GALNTL6: variants seen among roughly 807,000 people sequenced by gnomAD.
The protein encoded by GALNTL6 is polypeptide N-acetylgalactosaminyltransferase like 6, also known as polypeptide N-acetylgalactosaminyltransferase-like 6.
A neutral mutation model predicts 73.7 loss-of-function variants in GALNTL6; 46 were observed. That is an observed-to-expected ratio of 0.62 (90% confidence interval 0.49 to 0.80). The LOEUF (loss-of-function observed/expected upper bound fraction) is 0.80. GALNTL6 is among the 30% of genes least tolerant of loss of function. The pLI is 0.00. For missense variants in GALNTL6, 604 were observed against 755.0 expected (o/e 0.80, Z 2.34); for synonymous variants, 259 against 263.7 (o/e 0.98, Z 0.17).
Position 172,855,353 on chromosome 4 carries a change from G to GAT in GALNTL6, c.924-27429_924-27428dup, listed in dbSNP as rs1744071544. Among the ~76,000 whole-genome samples, 5 of 152,216 alleles carry GAT rather than the reference G, an allele frequency of 3.3e-5. No homozygotes were observed. The South Asian group carries it at 8.3e-4, about 25-fold the overall frequency. On this transcript the variant is annotated intron_variant, in intron 7 of 12. Coordinates refer to ENST00000506823, the MANE Select transcript of GALNTL6 (RefSeq NM_001034845.3). ...GTATTTATTTTGATTGTAATGGAAA[G>GAT]ATATATATACTTAATAATAGTTTCA...
chr4:172,825,118 CT>C (rs1560977566), intron 7 of GALNTL6, among the ~76,000 whole-genome samples: 3 of 80,532 alleles, frequency 3.7e-5, no homozygotes, highest in African/African-American at 1.3e-4. Flanking sequence ...TTCTTTCTTT[CT>C]TTCTTTCTTT....
intron 2 of GALNTL6, among the ~76,000 whole-genome samples, chr4:172,207,342 C>A: frequency 6.6e-6 from 1 of 152,012 alleles, no homozygotes; most frequent in East Asian, 1.9e-4. Context: ...CGAGAAAATA[C>A]TGGGGAACAA....
intron 2 of GALNTL6, among the ~76,000 whole-genome samples, chr4:172,141,564 A>G (rs1355060902): frequency 2.6e-5 from 4 of 151,956 alleles, no homozygotes; most frequent in African/African-American, 9.7e-5. Flanking sequence ...TGAACTAAGT[A>G]ACTAAGAATA....
chr4:172,104,931 A>G (rs1422293305), intron 2 of GALNTL6, among the ~76,000 whole-genome samples: 2 of 152,220 alleles, frequency 1.3e-5, no homozygotes, highest in East Asian at 3.8e-4. Context: ...TGAATTTCAT[A>G]AAAAACAACT....
chr4:172,812,507 T>G (rs1579514264), intron 6 of GALNTL6, among the ~76,000 whole-genome samples: 1 of 152,226 alleles, frequency 6.6e-6, no homozygotes, highest in African/African-American at 2.4e-5. Flanking sequence ...CACAGATAGC[T>G]ATTCTAGCTA....
intron 3 of GALNTL6, among the ~76,000 whole-genome samples, chr4:172,261,476 A>T (rs1334016703): frequency 6.6e-6 from 1 of 151,106 alleles, no homozygotes; most frequent in African/African-American, 2.4e-5. Context: ...TCTCATTGAG[A>T]CTATTTGGAT....
chr4:172,827,202 G>T (rs1742316503), intron 7 of GALNTL6, among the ~76,000 whole-genome samples: 1 of 152,200 alleles, frequency 6.6e-6, no homozygotes. Context: ...CCCGGTTGCA[G>T]GCTTTTACTG....
intron 2 of GALNTL6, among the ~76,000 whole-genome samples, chr4:172,099,222 A>T (rs1017789259): frequency 2.6e-5 from 4 of 152,204 alleles, no homozygotes; most frequent in Non-Finnish European, 1.5e-5. Context: ...GCCTTAAAGC[A>T]AGTTTAGTAG....
At chr4:172,113,017 G>A (rs1487990793) in intron 2 of GALNTL6, among the ~76,000 whole-genome samples, 1 of 151,750 alleles carries the variant, frequency 6.6e-6, no homozygotes, top group African/African-American at 2.4e-5. Flanking sequence ...AAACAGAATA[G>A]GACAGTGCAT....
In GALNTL6 at chr4:173,009,286, C is replaced by T; in HGVS notation, c.1480C>T (p.His494Tyr). The T allele has an allele frequency of 1.9e-6, 3 of 1,607,442 alleles. No homozygotes were observed. The highest frequency in any genetic ancestry group is 2.6e-6 in the Non-Finnish European group (3 of 1,173,904). Residue 494 changes from histidine to tyrosine, a missense_variant, in exon 11 of 13, where the codon CAT (histidine) becomes TAT (tyrosine). By Grantham distance (83) the His-to-Tyr change is moderately conservative. Transcript: ENST00000506823. The part of the protein sequence containing the change: ...VKDGSERTWS[H>Y]EQLFTFGWRE... ...GGATGGTTCTGAAAGAACATGGTCT[C>T]ATGAACAGGTGAGTCACCTCCCAGA...
intron 2 of GALNTL6, among the ~76,000 whole-genome samples, chr4:172,201,494 G>A (rs1735952457): frequency 6.6e-6 from 1 of 151,518 alleles, no homozygotes; most frequent in South Asian, 2.1e-4. Flanking sequence ...CATGAGCCAC[G>A]GCACCGGGAC....
At chr4:172,936,830 A>G (rs974870183) in intron 9 of GALNTL6, among the ~76,000 whole-genome samples, 2 of 152,138 alleles carry the variant, frequency 1.3e-5, no homozygotes, top group African/African-American at 4.8e-5. Flanking sequence ...CATAAAAGCC[A>G]AATTGTACAG....
intron 3 of GALNTL6, among the ~76,000 whole-genome samples, chr4:172,298,592 G>A (rs1739778490): frequency 6.6e-6 from 1 of 152,122 alleles, no homozygotes; most frequent in Non-Finnish European, 1.5e-5. Context: ...GTTGAATTTT[G>A]TCAAAGACCT....
rs372941062 is a variant in GALNTL6 at position 172,892,313 on chromosome 4, T to A, written c.1041+9406T>A. On this transcript the variant is annotated intron_variant, in intron 8 of 12. Transcript: ENST00000506823. ...CTACTATGGATGAGGCCTTTTGTTT[T>A]TATATATTCCTTTTCCCTTGAGGGT... Among the ~76,000 whole-genome samples the A allele has an allele frequency of 1.3e-4, 20 of 152,310 alleles. No individual in the cohort carries two copies. In the South Asian group the frequency reaches 3.5e-3, roughly 27 times the overall value.
chr4:172,638,031 T>G (rs2111112968), intron 5 of GALNTL6, among the ~76,000 whole-genome samples: 1 of 152,316 alleles, frequency 6.6e-6, no homozygotes, highest in Middle Eastern at 3.4e-3. Flanking sequence ...CTTCACTTTC[T>G]TTCTTTAATA....
At chr4:172,491,588 A>G (rs138135888) in intron 5 of GALNTL6, among the ~76,000 whole-genome samples, 30 of 152,260 alleles carry the variant, frequency 2.0e-4, no homozygotes, top group African/African-American at 6.5e-4. Flanking sequence ...GAAGTTTACC[A>G]GGATGGTTGC....
intron 5 of GALNTL6, among the ~76,000 whole-genome samples, chr4:172,395,480 A>C (rs182966981): frequency 6.6e-6 from 1 of 152,156 alleles, no homozygotes; most frequent in Non-Finnish European, 1.5e-5. Flanking sequence ...TGACCTTTAG[A>C]CTATCTTATT....
chr4:172,629,126 A>G (rs1472583083), intron 5 of GALNTL6, among the ~76,000 whole-genome samples: 7 of 152,188 alleles, frequency 4.6e-5, no homozygotes, highest in Non-Finnish European at 7.4e-5. Context: ...GTGTTTGTCT[A>G]TCTGTGTCTT....
chr4:172,352,321 C>T (rs1741969930), intron 5 of GALNTL6, among the ~76,000 whole-genome samples: 1 of 152,154 alleles, frequency 6.6e-6, no homozygotes, highest in African/African-American at 2.4e-5. Context: ...AGCCTCAGAA[C>T]ATAAGTCCAC....
Sources: allele counts gnomAD v4.1 joint callset (sites outside exome capture counted in the v4.1 genomes callset), GRCh38; gene constraint gnomAD v4.1.1; transcripts MANE v1.5; gene names NCBI Gene and HGNC (gene_info 2026-07-23, HGNC 2026-07-21).